BCAR3: variants seen among roughly 807,000 people sequenced by gnomAD.
BCAR3 encodes breast cancer anti-estrogen resistance protein 3.
Under a neutral mutation model 80.1 loss-of-function variants are expected in BCAR3, and 37 were observed. The observed-to-expected ratio is 0.46, with a 90% confidence interval of 0.36 to 0.61. The LOEUF (loss-of-function observed/expected upper bound fraction) is 0.61. BCAR3 is among the 20% of genes least tolerant of loss of function. The pLI is 0.00. For synonymous variants in BCAR3, 389 were observed against 418.9 expected (o/e 0.93, Z 0.87); for missense variants, 978 against 1,068.2 (o/e 0.92, Z 1.18).
intron 2 of BCAR3, among the ~76,000 whole-genome samples, chr1:93,779,280 G>A (rs1652683784): frequency 6.6e-6 from 1 of 152,150 alleles, no homozygotes; most frequent in Admixed American, 6.5e-5. Context: ...CCAGGGCCAA[G>A]TCATTCATTC....
chr1:93,845,023 GAATAA>G (rs1399024842), intron 2 of BCAR3, among the ~76,000 whole-genome samples: 8 of 152,154 alleles, frequency 5.3e-5, no homozygotes, highest in East Asian at 3.9e-4. Flanking sequence ...TCATCTAGTG[GAATAA>G]AATATCTAAA....
rs146655877 is a variant in BCAR3 at position 93,814,186 on chromosome 1, C to A, written c.-63+31381G>T. On this transcript the variant is annotated intron_variant, in intron 2 of 13. Coordinates refer to the BCAR3 transcript ENST00000370244. ...GCCTCTTGGTGGAGGCTGTCCTCTG[C>A]TGGTTATTCTCAACATTGCATCACT... is the stretch of plus-strand genomic sequence containing the variant. Among the ~76,000 whole-genome samples, 117 of 152,286 alleles carry A rather than the reference C, an allele frequency of 7.7e-4. 1 individual carries two copies. Among genetic ancestry groups the A allele is most frequent in the African/African-American group, 2.6e-3 (109 of 41,550 alleles).
chr1:93,696,903 C>T (rs112796028), intron 3 of BCAR3, among the ~76,000 whole-genome samples: 2,386 of 152,328 alleles, frequency 0.016, 29 homozygotes, highest in Non-Finnish European at 0.024. Flanking sequence ...ATGGTAAATC[C>T]AGCTATTAGC....
chr1:93,767,954 G>A (rs1244169972), intron 2 of BCAR3, among the ~76,000 whole-genome samples: 1 of 150,872 alleles, frequency 6.6e-6, no homozygotes, highest in Non-Finnish European at 1.5e-5. Context: ...ATTTCTAGTA[G>A]TGGAAAACAT....
chr1:93,808,055 A>G (rs1039770206), intron 2 of BCAR3, among the ~76,000 whole-genome samples: 14 of 151,364 alleles, frequency 9.2e-5, no homozygotes, highest in African/African-American at 2.9e-4. Context: ...AAAAAAAAAA[A>G]AAGAAGAAAA....
At chr1:93,717,454 G>A (rs1650227738) in intron 2 of BCAR3, among the ~76,000 whole-genome samples, 1 of 152,224 alleles carries the variant, frequency 6.6e-6, no homozygotes, top group Admixed American at 6.5e-5. Context: ...GCTGGGCGCA[G>A]TGGCTCACGC....
chr1:93,610,982 C>G (rs1674931613), intron 3 of BCAR3, among the ~76,000 whole-genome samples: 1 of 152,024 alleles, frequency 6.6e-6, no homozygotes, highest in Admixed American at 6.6e-5. Flanking sequence ...ATTCCTAGTT[C>G]CCCACGAAAT....
chr1:93,711,063 G>T (rs950039894), intron 2 of BCAR3, among the ~76,000 whole-genome samples: 4 of 152,148 alleles, frequency 2.6e-5, no homozygotes, highest in Non-Finnish European at 4.4e-5. Flanking sequence ...GTGGAAGCTG[G>T]CTTCTCCCAG....
At position 93,586,009 on chromosome 1, in the gene BCAR3, G is replaced by A. The variant is rs1368797804; in HGVS notation, c.930-1888C>T. Among the ~76,000 whole-genome samples the A allele has an allele frequency of 6.6e-6, 1 of 152,182 alleles. No homozygotes were observed. The highest frequency in any genetic ancestry group is 1.5e-5 in the Non-Finnish European group (1 of 68,032). ...ATGCAATGTGAAATAAGTGTATCAT[G>A]GAGAATGGGGTATCCATGCCCTCTA... is the stretch of plus-strand genomic sequence containing the variant. On this transcript the variant is annotated intron_variant, in intron 5 of 11. Transcript: ENST00000260502. This position sits in a 1 kb window ranked among gnomAD's most constrained non-coding sequence, Gnocchi z 4.2.
intron 2 of BCAR3, among the ~76,000 whole-genome samples, chr1:93,720,523 T>C (rs1294455635): frequency 6.6e-6 from 1 of 152,150 alleles, no homozygotes; most frequent in Admixed American, 6.5e-5. Context: ...TGAACAGTGG[T>C]GCCTTACATG....
intron 3 of BCAR3, among the ~76,000 whole-genome samples, chr1:93,638,008 GGGAGGCCGA>G (rs1330093482): frequency 6.6e-6 from 1 of 152,212 alleles, no homozygotes; most frequent in Non-Finnish European, 1.5e-5. Context: ...CCAGCACTTT[GGGAGGCCGA>G]GGTGAGTGGA....
In BCAR3 at chr1:93,582,623, G is replaced by T. The variant is rs781484698; in HGVS notation, c.1364C>A (p.Thr455Lys). Residue 455 changes from threonine to lysine, a missense_variant, in exon 7 of 12, where the codon ACA (threonine) becomes AAA (lysine). Physicochemically the swap from Thr to Lys is moderately conservative, Grantham distance 78. Transcript: ENST00000260502. ...ATTCTGCTTGGCTGTGAGCAGTTCT[G>T]TGTGGCTTCCCTGGGCACATGAGGG... ...KLPSCAQGSH[T>K]ELLTAKQNEA... 1 of 1,613,970 alleles carries T rather than the reference G, an allele frequency of 6.2e-7. No homozygotes were observed. Among genetic ancestry groups the T allele is most frequent in the African/African-American group, 1.3e-5 (1 of 74,998 alleles).
chr1:93,612,132 T>C (rs891542056), intron 3 of BCAR3, among the ~76,000 whole-genome samples: 4 of 152,150 alleles, frequency 2.6e-5, no homozygotes, highest in Non-Finnish European at 5.9e-5. Flanking sequence ...GCAGATTTCT[T>C]TCCCAAGTAA....
intron 3 of BCAR3, among the ~76,000 whole-genome samples, chr1:93,633,153 G>A (rs1019996663): frequency 2.0e-5 from 3 of 152,272 alleles, no homozygotes; most frequent in African/African-American, 7.2e-5. Flanking sequence ...AATGCTCGAA[G>A]ATTAACGTCA....
At chr1:93,646,053 A>G (rs937078578) in intron 2 of BCAR3, among the ~76,000 whole-genome samples, 8 of 152,158 alleles carry the variant, frequency 5.3e-5, no homozygotes, top group African/African-American at 1.7e-4. Context: ...TACATTGTGT[A>G]AACAGTGTTT....
At chr1:93,618,807 C>T (rs764179958) in intron 3 of BCAR3, among the ~76,000 whole-genome samples, 23 of 152,180 alleles carry the variant, frequency 1.5e-4, no homozygotes, top group Non-Finnish European at 2.4e-4. Flanking sequence ...CATGGGCCCT[C>T]CTTCTAGAGC....
At chr1:93,759,309 T>G (rs930805866) in intron 2 of BCAR3, among the ~76,000 whole-genome samples, 2 of 151,472 alleles carry the variant, frequency 1.3e-5, no homozygotes, top group Non-Finnish European at 2.9e-5. Context: ...AAGAGAGAGG[T>G]TTTTAACCCT....
In BCAR3 at chr1:93,629,138, G is replaced by A. The variant is rs141793964; in HGVS notation, c.357+13166C>T. On this transcript the variant is annotated intron_variant, in intron 3 of 11. Coordinates refer to ENST00000260502, the MANE Select transcript of BCAR3 (RefSeq NM_003567.4). Reference sequence around the variant, plus strand: ...ATTCCTCCCAAACTCATTTCTTAACGTGATCTTCTTCTCGGAATCTCTTTT... The same window carrying A: ...ATTCCTCCCAAACTCATTTCTTAACATGATCTTCTTCTCGGAATCTCTTTT... Among the ~76,000 whole-genome samples the A allele has an allele frequency of 1.1e-3, 161 of 152,204 alleles. 1 individual carries two copies. The highest frequency in any genetic ancestry group is 1.6e-3 in the Admixed American group (25 of 15,280).
intron 1 of BCAR3, among the ~76,000 whole-genome samples, chr1:93,675,209 A>C (rs1284042617): frequency 6.6e-6 from 1 of 152,232 alleles, no homozygotes; most frequent in East Asian, 1.9e-4. Context: ...AGAGGCATAT[A>C]AGCCATGCAC....
Sources: allele counts gnomAD v4.1 joint callset (sites outside exome capture counted in the v4.1 genomes callset), GRCh38; gene constraint gnomAD v4.1.1; non-coding constraint Gnocchi (gnomAD v3.1); transcripts MANE v1.5; gene names NCBI Gene and HGNC (gene_info 2026-07-23, HGNC 2026-07-21).